The following RBFOX2 variants were observed in gnomAD, a reference collection of about 807,000 sequenced individuals.
RBFOX2 encodes RNA binding fox-1 homolog 2.
RBFOX2 carries 10 observed loss-of-function variants against 49.1 expected under a neutral mutation model. That is an observed-to-expected ratio of 0.20 (90% CI 0.13 to 0.35). RBFOX2 has a LOEUF of 0.35. Among genes scored for constraint, RBFOX2 ranks in the 10% least tolerant of loss-of-function variants. The pLI, the probability that RBFOX2 is intolerant of heterozygous loss-of-function variation, is 1.00. For synonymous variants in RBFOX2, 183 were observed against 187.4 expected, an observed-to-expected ratio of 0.98 and a Z score of 0.19; for missense variants, 323 against 486.9, an observed-to-expected ratio of 0.66 and a Z score of 3.17.
At chr22:35,957,024 G>A (rs2055643687) in intron 1 of RBFOX2, among the ~76,000 whole-genome samples, 2 of 152,158 alleles carry the variant, frequency 1.3e-5, no homozygotes, top group Non-Finnish European at 2.9e-5. Flanking sequence ...GCAGTTTGTG[G>A]CATAATAAGC....
Position 36,021,516 on chromosome 22 carries a change from A to T in RBFOX2, c.186+6724T>A, listed in dbSNP as rs1238239491. 1.4e-4 allele frequency among the ~76,000 whole-genome samples: 21 copies of T among 145,614 alleles called. No individual in the cohort carries two copies. The Admixed American group carries it at 1.4e-3, about 10-fold the overall frequency. On this transcript the variant is annotated intron_variant, in intron 1 of 13. Coordinates refer to the RBFOX2 transcript ENST00000438146. ...ACAACTGGAATCTCCAAATGCTACTAAAAAAAAAAAGGTCACTTCTGAGCA... is the reference window on the plus strand; with the variant it reads ...ACAACTGGAATCTCCAAATGCTACTTAAAAAAAAAAGGTCACTTCTGAGCA...
intron 1 of RBFOX2, among the ~76,000 whole-genome samples, chr22:36,023,066 A>G (rs1276133652): frequency 6.6e-6 from 1 of 151,876 alleles, no homozygotes; most frequent in Non-Finnish European, 1.5e-5. Flanking sequence ...ATTACTTGCA[A>G]GAAAAAAAAA....
intron 1 of RBFOX2, among the ~76,000 whole-genome samples, chr22:35,902,713 T>C (rs2149459645): frequency 6.6e-6 from 1 of 151,946 alleles, no homozygotes; most frequent in East Asian, 1.9e-4. Flanking sequence ...GGTGCGATCA[T>C]GGCTCACTGC....
intron 1 of RBFOX2, among the ~76,000 whole-genome samples, chr22:35,985,503 C>T (rs926089432): frequency 6.6e-6 from 1 of 152,108 alleles, no homozygotes; most frequent in African/African-American, 2.4e-5. Context: ...ATGTGGGCCC[C>T]GTGCTGCCAA....
intron 1 of RBFOX2, among the ~76,000 whole-genome samples, chr22:35,866,852 C>G (rs758510082): frequency 3.9e-5 from 6 of 152,152 alleles, no homozygotes; most frequent in Non-Finnish European, 8.8e-5. Context: ...AAGTGAGGAG[C>G]CTTCACTTCT....
At chr22:35,849,866 G>T (rs2041706994) in intron 1 of RBFOX2, among the ~76,000 whole-genome samples, 3 of 152,128 alleles carry the variant, frequency 2.0e-5, no homozygotes, top group African/African-American at 7.2e-5. Flanking sequence ...AAAGCTTTGA[G>T]TTACTAGTTA....
At chr22:35,949,897 A>G (rs1179031479) in intron 1 of RBFOX2, among the ~76,000 whole-genome samples, 3 of 152,278 alleles carry the variant, frequency 2.0e-5, no homozygotes, top group Admixed American at 6.5e-5. Context: ...CCTTTGATGC[A>G]TAAAAGTTTT....
chr22:35,994,431 G>GGT (rs1437543091), intron 1 of RBFOX2: 1 of 141,698 alleles, frequency 7.1e-6, no homozygotes, highest in Non-Finnish European at 1.5e-5. Context: ...TTTGAGATAG[G>GGT]GTCTCACTGT....
At chr22:35,785,676 C>T (rs916866679) in intron 2 of RBFOX2, among the ~76,000 whole-genome samples, 1 of 152,180 alleles carries the variant, frequency 6.6e-6, no homozygotes, top group Non-Finnish European at 1.5e-5. Context: ...GTGATGGCAG[C>T]TTTTTATCTC....
intron 1 of RBFOX2, among the ~76,000 whole-genome samples, chr22:35,922,344 G>A (rs1251916399): frequency 6.6e-6 from 1 of 151,900 alleles, no homozygotes; most frequent in Non-Finnish European, 1.5e-5. Context: ...ACTTTGGGAG[G>A]CCATCGCGGG....
intron 1 of RBFOX2, among the ~76,000 whole-genome samples, chr22:35,891,226 C>G (rs1033102346): frequency 6.6e-6 from 1 of 151,912 alleles, no homozygotes; most frequent in Non-Finnish European, 1.5e-5. Flanking sequence ...CTCCACCTCC[C>G]GGGTTCAAGC....
At chr22:35,913,646 T>C (rs1427000901) in intron 1 of RBFOX2, among the ~76,000 whole-genome samples, 1 of 151,736 alleles carries the variant, frequency 6.6e-6, no homozygotes, top group Non-Finnish European at 1.5e-5. Flanking sequence ...TATAAATCTA[T>C]ATAGGTTTAT....
intron 1 of RBFOX2, chr22:35,997,528 A>AT (rs2058241307): frequency 6.6e-6 from 1 of 152,234 alleles, no homozygotes; most frequent in African/African-American, 2.4e-5. Context: ...CTGTATTTAC[A>AT]TTCCATCTCA....
intron 1 of RBFOX2, among the ~76,000 whole-genome samples, chr22:35,975,790 A>C (rs1347511239): frequency 6.6e-6 from 1 of 152,156 alleles, no homozygotes; most frequent in Non-Finnish European, 1.5e-5. Context: ...GTTTGACCCA[A>C]CATATATTCC....
chr22:35,849,957 G>A (rs969495707), intron 1 of RBFOX2, among the ~76,000 whole-genome samples: 1 of 152,150 alleles, frequency 6.6e-6, no homozygotes, highest in African/African-American at 2.4e-5. Flanking sequence ...AAGAGGCAGA[G>A]AATGACAGCC....
intron 1 of RBFOX2, among the ~76,000 whole-genome samples, chr22:35,902,519 C>T (rs942234811): frequency 6.6e-6 from 1 of 152,098 alleles, no homozygotes; most frequent in Admixed American, 6.5e-5. Context: ...CTCAACGATG[C>T]CAAGCAATCC....
At chr22:35,756,084 G>T (rs375709692) in intron 9 of RBFOX2, 21 bp downstream of exon 11, 22 of 1,358,484 alleles carry the variant, frequency 1.6e-5, no homozygotes, top group Non-Finnish European at 2.0e-5. Context: ...GGGTCGAGAA[G>T]GCCCCAGTGT....
intron 1 of RBFOX2, among the ~76,000 whole-genome samples, chr22:36,004,441 G>C (rs985831525): frequency 3.3e-5 from 5 of 152,054 alleles, no homozygotes; most frequent in Non-Finnish European, 2.9e-5. Context: ...TCAGTTTATT[G>C]ACACTTGGCA....
chr22:35,900,101 A>G (rs889472194), intron 1 of RBFOX2, among the ~76,000 whole-genome samples: 1 of 152,132 alleles, frequency 6.6e-6, no homozygotes, highest in African/African-American at 2.4e-5. Context: ...GACTCCAATA[A>G]TTCAAGAGGC....
Sources: allele counts gnomAD v4.1 joint callset (sites outside exome capture counted in the v4.1 genomes callset), GRCh38; gene constraint gnomAD v4.1.1; transcripts MANE v1.5; gene names NCBI Gene and HGNC (gene_info 2026-07-23, HGNC 2026-07-21).